Variants in GPX8 observed in about 807,000 individuals in gnomAD.
GPX8 encodes the protein glutathione peroxidase 8 (putative).
In GPX8, 12 loss-of-function variants were observed where a neutral mutation model predicts 17.8. That is an observed-to-expected ratio of 0.67 (90% confidence interval 0.43 to 1.09). GPX8 has a LOEUF of 1.09. Among genes scored for constraint, GPX8 ranks in the 50% least tolerant of loss-of-function variants. The pLI is 0.00. For synonymous variants in GPX8, 86 were observed against 88.1 expected (o/e 0.98, Z 0.14); for missense variants, 209 against 235.6 (o/e 0.89, Z 0.74).
rs1052082781 is a variant in GPX8, at chr5:55,162,609, C to A, written c.466+1354C>A. On this transcript the variant is annotated intron_variant, in intron 2 of 2. Coordinates refer to ENST00000503787, the MANE Select transcript of GPX8 (RefSeq NM_001008397.4). The stretch of plus-strand genomic sequence containing the variant: ...CTTCTAAAAACATTATATTTAATTT[C>A]TAGGGAAAGTTGATATAATGCCTAA... Among the ~76,000 whole-genome samples, 10 of 152,192 alleles carry A rather than the reference C, an allele frequency of 6.6e-5. 1 individual carries two copies. Among genetic ancestry groups the A allele is most frequent in the African/African-American group, 2.4e-5 (1 of 41,462 alleles).
rs774422724 is a variant in GPX8, at chr5:55,160,999, A to G, written c.210A>G (p.Ser70=). 4 of 1,604,954 alleles carry G rather than the reference A, an allele frequency of 2.5e-6. No individual in the cohort carries two copies. The highest frequency in any genetic ancestry group is 3.4e-6 in the Non-Finnish European group (4 of 1,176,478). Residue 70 remains serine (S), a synonymous_variant, in exon 2 of 3, where the codon TCA becomes TCG. Coordinates refer to ENST00000503787, the MANE Select transcript of GPX8 (RefSeq NM_001008397.4). ...VSLEKYKGKV[S]LVVNVASDCQ... is the part of the protein sequence containing the mutation. ...TTTTTTTCTTTTTCCGGGAGGTTTC[A>G]CTAGTTGTAAACGTGGCCAGTGACT...
At chr5:55,162,844 T>C (rs978913677) in intron 2 of GPX8, among the ~76,000 whole-genome samples, 9 of 152,146 alleles carry the variant, frequency 5.9e-5, no homozygotes, top group African/African-American at 1.9e-4. Context: ...AAGGTAACAG[T>C]GAGTTAAGGT....
chr5:55,160,775 G>T, intron 1 of GPX8: 1 of 503,018 alleles, frequency 2.0e-6, no homozygotes, highest in Non-Finnish European at 3.4e-6. Flanking sequence ...AAACTTTCAT[G>T]AGTATCTAAT....
At position 55,165,044 on chromosome 5, in the gene GPX8, G is replaced by A. The variant is rs1247731329; in HGVS notation, c.*826G>A. 1 of 152,094 alleles carries A rather than the reference G, an allele frequency of 6.6e-6. No homozygotes were observed. Among genetic ancestry groups the A allele is most frequent in the Non-Finnish European group, 1.5e-5 (1 of 68,026 alleles). 9.4% of individuals were successfully genotyped at this position (152,094 alleles called of 1,614,324 possible). On this transcript the variant is annotated 3_prime_UTR_variant, in exon 3 of 3. Transcript: ENST00000503787. ...TGTAGAAAAAAGGACATGAGTATAA[G>A]ATCATTTAACTTGATTCCTTATAGG...
chr5:55,163,954 A>G, intron 2 of GPX8, 101 bp from the exon 3 acceptor site: 1 of 885,862 alleles, frequency 1.1e-6, no homozygotes, highest in East Asian at 2.6e-5. Context: ...ACAGTCCTAG[A>G]ACTTGATACT....
chr5:55,161,187 C>T lies in GPX8; in HGVS notation c.398C>T (p.Thr133Ile), dbSNP rs1264341641. The T allele has an allele frequency of 6.2e-7, 1 of 1,614,034 alleles. No individual in the cohort carries two copies. The highest frequency in any genetic ancestry group is 1.7e-5 in the Admixed American group (1 of 60,000). The change falls in exon 2 of 3, where the codon ACT becomes ATT. Residue 133 changes from threonine (T) to isoleucine (I), a missense_variant. Physicochemically the swap from Thr to Ile is moderately conservative, Grantham distance 89. Transcript: ENST00000503787. ...ESFARKNYGV[T>I]FPIFHKIKIL... ...TTTGCAAGAAAAAACTACGGAGTAA[C>T]TTTCCCCATCTTCCACAAGATTAAG... is the stretch of plus-strand genomic sequence containing the variant.
intron 1 of GPX8, chr5:55,160,772 C>T: frequency 2.0e-6 from 1 of 501,488 alleles, no homozygotes; most frequent in Admixed American, 3.8e-5. Context: ...AATAAACTTT[C>T]ATGAGTATCT....
chr5:55,164,055 A>G lies in GPX8; in HGVS notation c.467A>G (p.Asp156Gly), dbSNP rs754992563. ...EGEPAFRFLV[D>G]SSKKEPRWNF... is the part of the protein sequence containing the mutation. The stretch of plus-strand genomic sequence containing the variant: ...TGAAAATATGTTCTGGATATTTTAG[A>G]TTCTTCAAAGAAGGAACCAAGGTGG... Residue 156 changes from aspartate (D) to glycine (G), a missense_variant and splice_region_variant, in exon 3 of 3, where the codon GAT (aspartate) becomes GGT (glycine). By Grantham distance (94) the Asp-to-Gly change is moderately conservative. Coordinates refer to ENST00000503787, the MANE Select transcript of GPX8 (RefSeq NM_001008397.4). 1 of 1,564,474 alleles carries G rather than the reference A, an allele frequency of 6.4e-7. No homozygotes were observed. Among genetic ancestry groups the G allele is most frequent in the South Asian group, 1.2e-5 (1 of 83,790 alleles).
rs756356113 is a variant in GPX8, at chr5:55,165,557, C to A, written c.*1339C>A. ...CTACCTCAGTATATAGTTCTGTATA[C>A]GTATTTGGACCAAAGTTATTAGATA... On this transcript the variant is annotated 3_prime_UTR_variant, in exon 3 of 3. Coordinates refer to ENST00000503787, the MANE Select transcript of GPX8 (RefSeq NM_001008397.4). The A allele has an allele frequency of 6.6e-6, 1 of 152,172 alleles. No individual in the cohort carries two copies. Among genetic ancestry groups the A allele is most frequent in the Non-Finnish European group, 1.5e-5 (1 of 68,032 alleles). 9.4% of individuals were successfully genotyped at this position (152,172 alleles called of 1,614,324 possible).
intron 2 of GPX8, among the ~76,000 whole-genome samples, chr5:55,162,090 CAAAAA>C (rs34286995): frequency 7.7e-5 from 7 of 90,712 alleles, no homozygotes; most frequent in Admixed American, 1.2e-4. Context: ...CCATATTAGT[CAAAAA>C]AAAAAAAAAA....
At chr5:55,162,089 T>TAAA (rs1744098150) in intron 2 of GPX8, among the ~76,000 whole-genome samples, 1 of 41,666 alleles carries the variant, frequency 2.4e-5, no homozygotes. Flanking sequence ...ACCATATTAG[T>TAAA]CAAAAAAAAA....
In GPX8 at chr5:55,160,229, G is replaced by A. The variant is rs144559225; in HGVS notation, c.37G>A (p.Gly13Arg). Residue 13 changes from glycine (G) to arginine (R), a missense_variant, in exon 1 of 3, where the codon GGG (glycine) becomes AGG (arginine). Gly to Arg is a moderately radical substitution (Grantham distance 125). Transcript: ENST00000503787. The part of the protein sequence containing the change: ...PLAAYPLKCS[G>R]PRAKVFAVLL... ...TGCAGCTTACCCGCTAAAATGTTCC[G>A]GGCCCAGAGCAAAGGTATTTGCAGT... 7 of 1,613,846 alleles carry A rather than the reference G, an allele frequency of 4.3e-6. No individual in the cohort carries two copies. Among genetic ancestry groups the A allele is most frequent in the African/African-American group, 4.0e-5 (3 of 74,848 alleles).
At chr5:55,163,848 G>A (rs866278231) in intron 2 of GPX8, among the ~76,000 whole-genome samples, 4 of 149,138 alleles carry the variant, frequency 2.7e-5, no homozygotes, top group Non-Finnish European at 5.9e-5. Flanking sequence ...CATACTAGAT[G>A]AGTAGACTCA....
intron 1 of GPX8, 104 bp from the exon 2 acceptor site, chr5:55,160,890 G>A (rs1255143910): frequency 8.5e-7 from 1 of 1,173,240 alleles, no homozygotes; most frequent in Non-Finnish European, 1.2e-6. Flanking sequence ...ACATCAATCA[G>A]AGGTTATAGT....
chr5:55,160,470 T>C (rs962288096), intron 1 of GPX8, 74 bp downstream of exon 1: 46 of 1,234,536 alleles, frequency 3.7e-5, no homozygotes, highest in Non-Finnish European at 5.0e-5. Context: ...TAAAATCAAT[T>C]TTTTGCTGTT....
At position 55,160,346 on chromosome 5, in the gene GPX8, G is replaced by GT. The variant is rs755647760; in HGVS notation, c.155dup (p.Lys53GlufsTer14). 5.0e-6 allele frequency: 8 copies of GT among 1,613,544 alleles called. No homozygotes were observed. The South Asian group carries it at 8.8e-5, about 18-fold the overall frequency. ...AATCAACAGCTTTTATGCCTTTGAA[G>GT]TGAAGGATGCAAAAGGAAGAACTGT... is the stretch of plus-strand genomic sequence containing the variant. On this transcript the variant is annotated frameshift_variant, in exon 1 of 3. Coordinates refer to ENST00000503787, the MANE Select transcript of GPX8 (RefSeq NM_001008397.4). LOFTEE classifies it high-confidence loss of function.
chr5:55,162,615 A>G (rs892170622), intron 2 of GPX8, among the ~76,000 whole-genome samples: 1 of 152,246 alleles, frequency 6.6e-6, no homozygotes, highest in Non-Finnish European at 1.5e-5. Flanking sequence ...ATTTCTAGGG[A>G]AAGTTGATAT....
At chr5:55,160,647 T>C (rs138468422) in intron 1 of GPX8, 78 of 495,952 alleles carry the variant, frequency 1.6e-4, no homozygotes, top group African/African-American at 1.4e-3. Context: ...GTTTGGAAAA[T>C]ACTTATAGTT....
rs34286995 is a variant in GPX8 at position 55,162,090 on chromosome 5, CAAAA to C, written c.466+855_466+858del. Among the ~76,000 whole-genome samples the C allele has an allele frequency of 7.4e-3, 675 of 90,718 alleles. 5 individuals carry two copies. Among genetic ancestry groups the C allele is most frequent in the African/African-American group, 0.025 (616 of 24,874 alleles). 59.5% of individuals were successfully genotyped at this position (90,718 alleles called of 152,430 possible). ...AGACACTGTTCTAAACCATATTAGTCAAAAAAAAAAAAAAAAAAAAAAAGGCCGG... is the reference window on the plus strand; with the variant it reads ...AGACACTGTTCTAAACCATATTAGTCAAAAAAAAAAAAAAAAAAAGGCCGG... On this transcript the variant is annotated intron_variant, in intron 2 of 2. Transcript: ENST00000503787.
Sources: gnomAD v4.1 joint callset for allele counts (sites outside exome capture counted in the v4.1 genomes callset) on GRCh38, gnomAD v4.1.1 for gene constraint, MANE v1.5 for transcripts, NCBI Gene and HGNC (gene_info 2026-07-23, HGNC 2026-07-21) for gene names.